MALRD1: variants seen among roughly 807,000 people sequenced by gnomAD.
MALRD1 encodes MAM and LDL-receptor class A domain-containing protein 1.
MALRD1 carries 247 observed loss-of-function variants against 242.1 expected under a neutral mutation model. The observed-to-expected ratio is 1.02, with a 90% CI of 0.92 to 1.13. The LOEUF is 1.13. Among genes scored for constraint, MALRD1 ranks in the 50% most tolerant of loss-of-function variants. MALRD1 has a pLI of 0.00. For missense variants in MALRD1, 2,989 were observed against 2,533.1 expected, an observed-to-expected ratio of 1.18 and a Z score of -3.86; for synonymous variants, 995 against 866.6, an observed-to-expected ratio of 1.15 and a Z score of -2.60.
intron 6 of MALRD1, among the ~76,000 whole-genome samples, chr10:19,124,162 G>A (rs764747387): frequency 6.6e-5 from 10 of 152,094 alleles, no homozygotes; most frequent in Non-Finnish European, 1.3e-4. Flanking sequence ...GGCTACAGTG[G>A]GCTATGATTG....
intron 31 of MALRD1, among the ~76,000 whole-genome samples, chr10:19,506,129 G>A (rs1468177279): frequency 6.6e-6 from 1 of 152,168 alleles, no homozygotes; most frequent in Non-Finnish European, 1.5e-5. Flanking sequence ...TACATCCAAA[G>A]CACCTGCTAT....
intron 29 of MALRD1, among the ~76,000 whole-genome samples, chr10:19,476,955 A>G (rs1033661631): frequency 3.3e-5 from 5 of 152,196 alleles, no homozygotes; most frequent in Non-Finnish European, 5.9e-5. Context: ...CTACTGAAAA[A>G]CACTAATGTT....
At chr10:19,497,232 A>G (rs1336713769) in intron 30 of MALRD1, among the ~76,000 whole-genome samples, 1 of 151,926 alleles carries the variant, frequency 6.6e-6, no homozygotes, top group African/African-American at 2.4e-5. Flanking sequence ...ATTTTTACAG[A>G]TGTGTTGGCT....
intron 36 of MALRD1, among the ~76,000 whole-genome samples, chr10:19,646,998 G>C (rs1840689381): frequency 6.6e-6 from 1 of 152,168 alleles, no homozygotes. Flanking sequence ...GAAAGGAACA[G>C]AGATCACTTT....
At chr10:19,366,577 CAT>C (rs1246215361) in intron 26 of MALRD1, among the ~76,000 whole-genome samples, 1 of 152,110 alleles carries the variant, frequency 6.6e-6, no homozygotes, top group African/African-American at 2.4e-5. Flanking sequence ...ATTTTTGTAA[CAT>C]ATCCATATTG....
chr10:19,602,450 T>G (rs1055261087), intron 34 of MALRD1, among the ~76,000 whole-genome samples: 16 of 136,874 alleles, frequency 1.2e-4, no homozygotes, highest in Non-Finnish European at 3.0e-5. Context: ...GCGGTGTTTG[T>G]TTTTTTTTCC....
chr10:19,540,632 C>A (rs1834923309), intron 32 of MALRD1, among the ~76,000 whole-genome samples: 1 of 151,982 alleles, frequency 6.6e-6, no homozygotes, highest in Non-Finnish European at 1.5e-5. Flanking sequence ...TCTGGTTATT[C>A]TCATGAGATG....
At chr10:19,265,384 G>T (rs1014180139) in intron 19 of MALRD1, among the ~76,000 whole-genome samples, 16 of 151,594 alleles carry the variant, frequency 1.1e-4, no homozygotes, top group Non-Finnish European at 1.5e-5. Context: ...TTTCCTCTTA[G>T]AACTGCTATT....
At chr10:19,607,517 G>A (rs979652082) in intron 34 of MALRD1, among the ~76,000 whole-genome samples, 1 of 152,066 alleles carries the variant, frequency 6.6e-6, no homozygotes, top group Non-Finnish European at 1.5e-5. Flanking sequence ...AGATATGAAT[G>A]TTGAGGTGAG....
chr10:19,610,482 A>G (rs973239601), intron 35 of MALRD1, among the ~76,000 whole-genome samples: 11 of 151,996 alleles, frequency 7.2e-5, no homozygotes, highest in African/African-American at 2.4e-4. Flanking sequence ...GGATTTCAAG[A>G]TAAAGAGAAT....
chr10:19,395,174 G>A (rs1318634967), intron 28 of MALRD1, among the ~76,000 whole-genome samples: 1 of 152,142 alleles, frequency 6.6e-6, no homozygotes, highest in Non-Finnish European at 1.5e-5. Flanking sequence ...TTCATTTCAA[G>A]TTGTGAACCA....
intron 33 of MALRD1, among the ~76,000 whole-genome samples, chr10:19,591,140 G>T (rs1464496497): frequency 6.6e-6 from 1 of 152,138 alleles, no homozygotes; most frequent in African/African-American, 2.4e-5. Context: ...ATGTCATATA[G>T]TCAAAATCAG....
Position 19,491,598 on chromosome 10 carries a change from G to C in MALRD1, c.5111G>C (p.Cys1704Ser). 1.3e-6 allele frequency: 2 copies of C among 1,550,114 alleles called. No homozygotes were observed. Among genetic ancestry groups the C allele is most frequent in the Admixed American group, 2.0e-5 (1 of 50,994 alleles). Residue 1704 changes from cysteine (C) to serine (S), a missense_variant, in exon 30 of 40, where the codon TGT (cysteine) becomes TCT (serine). Physicochemically the swap from Cys to Ser is moderately radical, Grantham distance 112. Transcript: ENST00000454679. ...AAGTGCATTGCATCCCACCTTCTTT[G>C]TGACTATAAGCCAGACTGCTCTGAT... Reference protein sequence around the residue: ...DKKCIASHLLCDYKPDCSDRS... With the variant: ...DKKCIASHLLSDYKPDCSDRS...
chr10:19,207,672 T>G (rs1285473430), intron 17 of MALRD1, among the ~76,000 whole-genome samples: 1 of 151,938 alleles, frequency 6.6e-6, no homozygotes, highest in Non-Finnish European at 1.5e-5. Context: ...GGATAATTTG[T>G]TTGTATTTTT....
intron 31 of MALRD1, among the ~76,000 whole-genome samples, chr10:19,529,041 T>A (rs552484749): frequency 1.3e-5 from 2 of 152,302 alleles, no homozygotes; most frequent in African/African-American, 4.8e-5. Context: ...ACCCAGCCCT[T>A]GGCAGCCCAC....
chr10:19,299,495 A>G (rs1047335807), intron 21 of MALRD1, among the ~76,000 whole-genome samples: 1 of 152,052 alleles, frequency 6.6e-6, no homozygotes, highest in African/African-American at 2.4e-5. Context: ...TTATATATGC[A>G]TCCAATACTG....
chr10:19,680,020 G>C (rs1311828514), intron 36 of MALRD1, among the ~76,000 whole-genome samples: 1 of 151,268 alleles, frequency 6.6e-6, no homozygotes, highest in African/African-American at 2.4e-5. Flanking sequence ...GAGACTGTTT[G>C]TTTCTTTTGC....
intron 18 of MALRD1, among the ~76,000 whole-genome samples, chr10:19,239,371 T>A (rs759404992): frequency 7.2e-5 from 11 of 152,312 alleles, no homozygotes; most frequent in Non-Finnish European, 1.0e-4. Context: ...TTGAGTTGTT[T>A]AAGTTTCTTA....
intron 18 of MALRD1, among the ~76,000 whole-genome samples, chr10:19,243,213 C>CA (rs1554818785): frequency 6.6e-6 from 1 of 151,764 alleles, no homozygotes; most frequent in Non-Finnish European, 1.5e-5. Context: ...TCTCCCCCGC[C>CA]ACACACACAA....
Sources: allele counts gnomAD v4.1 joint callset (sites outside exome capture counted in the v4.1 genomes callset), GRCh38; gene constraint gnomAD v4.1.1; transcripts MANE v1.5; gene names NCBI Gene and HGNC (gene_info 2026-07-23, HGNC 2026-07-21).